The following PRPF18 variants were observed in gnomAD, a reference collection of about 807,000 sequenced individuals.
The protein encoded by PRPF18 is pre-mRNA-splicing factor 18.
Under a neutral mutation model 46.5 loss-of-function variants are expected in PRPF18, and 38 were observed. The observed-to-expected ratio is 0.82, with a 90% CI of 0.63 to 1.07. The LOEUF (loss-of-function observed/expected upper bound fraction) is 1.07, where lower values mean the gene tolerates loss of function less well. PRPF18 is among the 50% of genes least tolerant of loss of function. The probability of loss-of-function intolerance (pLI) is 0.00; values close to 1 mark genes in which losing one functional copy is unlikely to be tolerated. For synonymous variants in PRPF18, 152 were observed against 146.7 expected, an observed-to-expected ratio of 1.04 and a Z score of -0.26; for missense variants, 263 against 410.0, an observed-to-expected ratio of 0.64 and a Z score of 3.10.
chr10:13,626,878 C>T (rs996764933), intron 9 of PRPF18, among the ~76,000 whole-genome samples: 6 of 151,894 alleles, frequency 4.0e-5, no homozygotes, highest in Non-Finnish European at 8.8e-5. Context: ...CCTGTCACAA[C>T]CCATATCCTA....
intron 6 of PRPF18, among the ~76,000 whole-genome samples, 177 bp from the exon 7 acceptor site, chr10:13,613,564 C>T (rs577766277): frequency 2.0e-5 from 3 of 152,200 alleles, no homozygotes; most frequent in Non-Finnish European, 4.4e-5. Context: ...GGTACTACTT[C>T]AAAGCATTAT....
chr10:13,624,692 C>G (rs922456707), intron 9 of PRPF18, among the ~76,000 whole-genome samples: 6 of 152,348 alleles, frequency 3.9e-5, no homozygotes, highest in Admixed American at 1.3e-4. Flanking sequence ...ATGCTGGCAG[C>G]CAGGCTTTCA....
At chr10:13,607,068 G>T (rs1226113227) in intron 4 of PRPF18, among the ~76,000 whole-genome samples, 2 of 152,096 alleles carry the variant, frequency 1.3e-5, no homozygotes, top group East Asian at 1.9e-4. Flanking sequence ...CATTTGTGTA[G>T]TGTCTGTTAA....
chr10:13,609,787 A>C (rs2080245091), intron 4 of PRPF18, among the ~76,000 whole-genome samples: 1 of 152,122 alleles, frequency 6.6e-6, no homozygotes, highest in Non-Finnish European at 1.5e-5. Flanking sequence ...ACTCACGTGT[A>C]TTTTATTTTT....
chr10:13,650,434 G>A, the PRPF18 span, among the ~76,000 whole-genome samples: 51 of 152,240 alleles, frequency 3.3e-4, no homozygotes, highest in Non-Finnish European at 5.6e-4. Context: ...GTATGTATTC[G>A]TGTATGTATG....
chr10:13,646,352 G>T, the PRPF18 span: 1 of 152,530 alleles, frequency 6.6e-6, no homozygotes, highest in East Asian at 1.9e-4. Flanking sequence ...TGGCAGCATA[G>T]AACTGATTGT....
At chr10:13,604,693 C>G (rs1055960010) in intron 3 of PRPF18, among the ~76,000 whole-genome samples, 5 of 152,152 alleles carry the variant, frequency 3.3e-5, no homozygotes, top group Non-Finnish European at 5.9e-5. Flanking sequence ...TTGGTCCTAT[C>G]GAAGCAGTGA....
the PRPF18 span, chr10:13,655,711 C>T: frequency 3.3e-5 from 5 of 152,236 alleles, no homozygotes. Context: ...TTCCCCCGAT[C>T]TTTACCAAAT....
At position 13,605,715 on chromosome 10, in the gene PRPF18, A is replaced by G; in HGVS notation, c.334A>G (p.Ile112Val). The G allele has an allele frequency of 3.1e-6, 5 of 1,613,586 alleles. No homozygotes were observed. The highest frequency in any genetic ancestry group is 1.1e-5 in the South Asian group (1 of 90,976). Residue 112 changes from isoleucine to valine, a missense_variant, in exon 4 of 10, where the codon ATA (isoleucine) becomes GTA (valine). Ile to Val is a conservative substitution (Grantham distance 29). Transcript: ENST00000378572. ...DYDAFQRLRKIEILTPEVNKG... is the reference protein window; with the variant it reads ...DYDAFQRLRKVEILTPEVNKG... Reference sequence around the variant, plus strand: ...TGATGCTTTTCAACGTTTAAGGAAAATAGAGATCCTCACACCAGAAGTTAA... The same window carrying G: ...TGATGCTTTTCAACGTTTAAGGAAAGTAGAGATCCTCACACCAGAAGTTAA...
At chr10:13,629,295 A>G (rs1211944864) in intron 9 of PRPF18, among the ~76,000 whole-genome samples, 1 of 152,224 alleles carries the variant, frequency 6.6e-6, no homozygotes, top group Non-Finnish European at 1.5e-5. Flanking sequence ...ACTTCTAGTG[A>G]ATTCTGCAAG....
intron 9 of PRPF18, among the ~76,000 whole-genome samples, chr10:13,621,193 A>G (rs972015176): frequency 1.3e-4 from 20 of 152,212 alleles, no homozygotes; most frequent in Non-Finnish European, 2.9e-5. Flanking sequence ...GGTGAAATGC[A>G]TGTCAAAGAG....
At chr10:13,601,681 A>C (rs2080112354) in intron 3 of PRPF18, among the ~76,000 whole-genome samples, 1 of 152,132 alleles carries the variant, frequency 6.6e-6, no homozygotes, top group Non-Finnish European at 1.5e-5. Context: ...AACATTTTTT[A>C]CAGTAAACAT....
chr10:13,633,350 C>T (rs993590698), downstream of PRPF18, among the ~76,000 whole-genome samples: 4 of 152,174 alleles, frequency 2.6e-5, no homozygotes, highest in African/African-American at 9.7e-5. Context: ...GCTCTGCCTT[C>T]TGGTGATATC....
intron 4 of PRPF18, among the ~76,000 whole-genome samples, chr10:13,605,954 A>G (rs186389100): frequency 1.4e-3 from 216 of 152,304 alleles, no homozygotes; most frequent in Non-Finnish European, 2.6e-3. Flanking sequence ...GCATATAACC[A>G]TTGCCCTTAT....
chr10:13,627,885 C>A (rs1049056413), intron 9 of PRPF18, among the ~76,000 whole-genome samples: 1 of 152,204 alleles, frequency 6.6e-6, no homozygotes, highest in Admixed American at 6.5e-5. Flanking sequence ...ACAATTCTTG[C>A]CATGCTCTGC....
At chr10:13,655,296 G>C in the PRPF18 span, 1 of 152,088 alleles carries the variant, frequency 6.6e-6, no homozygotes, top group Non-Finnish European at 1.5e-5. Flanking sequence ...AAATCTACTA[G>C]ACCAGTGCTG....
At position 13,616,502 on chromosome 10, in the gene PRPF18, C is replaced by T; in HGVS notation, c.897C>T (p.Ser299=). ...GAACTGGCAGAGAAAAGATTTTTTC[C>T]AAGCATGTTGCACATGTTTTAAATG... ...HARTGREKIF[S]KHVAHVLNDE... The change falls in exon 9 of 10, where the codon TCC becomes TCT. Residue 299 remains serine, a synonymous_variant. Transcript: ENST00000378572. 2.5e-6 allele frequency: 4 copies of T among 1,613,996 alleles called. No homozygotes were observed. Among genetic ancestry groups the T allele is most frequent in the Non-Finnish European group, 3.4e-6 (4 of 1,179,958 alleles).
chr10:13,613,523 T>A (rs1394936828), intron 6 of PRPF18, among the ~76,000 whole-genome samples: 1 of 152,264 alleles, frequency 6.6e-6, no homozygotes, highest in Non-Finnish European at 1.5e-5. Context: ...TAGGAATAGA[T>A]GTAGACTAGG....
Position 13,614,059 on chromosome 10 carries a change from A to G in PRPF18, c.765A>G (p.Lys255=), listed in dbSNP as rs2080306691. ...DIKESITDII[K]FMLQREYVKA... is the part of the protein sequence containing the mutation. ...AAGAATCAATAACGGATATTATTAA[A>G]TTCATGTTGCAGAGAGAATACGTGA... is the stretch of plus-strand genomic sequence containing the variant. The change falls in exon 8 of 10, where the codon AAA becomes AAG. Residue 255 remains lysine (K), a synonymous_variant. Transcript: ENST00000378572. 1 of 1,588,308 alleles carries G rather than the reference A, an allele frequency of 6.3e-7. No homozygotes were observed. Among genetic ancestry groups the G allele is most frequent in the African/African-American group, 1.4e-5 (1 of 73,910 alleles).
Sources: gnomAD v4.1 joint callset for allele counts (sites outside exome capture counted in the v4.1 genomes callset) on GRCh38, gnomAD v4.1.1 for gene constraint, MANE v1.5 for transcripts, NCBI Gene and HGNC (gene_info 2026-07-23, HGNC 2026-07-21) for gene names.